Variants in NOL11 observed in about 807,000 individuals in gnomAD.
NOL11 encodes nucleolar protein 11.
NOL11 carries 42 observed loss-of-function variants against 93.0 expected under a neutral mutation model. The ratio of observed to expected loss-of-function variants is 0.45; its 90% CI spans 0.35 to 0.58. The LOEUF is 0.58. Ranked by LOEUF, NOL11 falls within the 20% of genes least tolerant of loss-of-function variation. NOL11 has a pLI of 0.00. For synonymous variants in NOL11, 296 were observed against 293.7 expected (o/e 1.01, Z -0.08); for missense variants, 775 against 841.8 (o/e 0.92, Z 0.98).
At position 67,743,757 on chromosome 17, in the gene NOL11, T is replaced by G; in HGVS notation, c.2058T>G (p.Ser686=). 1.3e-6 allele frequency: 2 copies of G among 1,523,282 alleles called. No homozygotes were observed. Among genetic ancestry groups the G allele is most frequent in the Non-Finnish European group, 1.8e-6 (2 of 1,132,594 alleles). 94.4% of individuals were successfully genotyped at this position (1,523,282 alleles called of 1,614,324 possible). A position where few individuals can be genotyped will look rare whatever the true frequency, so the allele number is the denominator to read the frequency against. ...KLVKSQISVY[S]ELNKIEVSFR... ...CTTTTCTTTAGATATCTGTTTATTC[T>G]GAGCTCAACAAGATTGAAGTAAGTT... The change falls in exon 18 of 18, where the codon TCT becomes TCG. Residue 686 remains serine (S), a synonymous_variant. Coordinates refer to ENST00000253247, the MANE Select transcript of NOL11 (RefSeq NM_015462.5).
chr17:67,726,608 T>C lies in NOL11; in HGVS notation c.813T>C (p.Asp271=), dbSNP rs746413286. The C allele has an allele frequency of 4.7e-5, 76 of 1,613,576 alleles. No homozygotes were observed. Among genetic ancestry groups the C allele is most frequent in the Non-Finnish European group, 6.1e-5 (72 of 1,179,890 alleles). ...TTGCACTCACTGCCCTGGATCAGGA[T>C]CACGTCGCAGTCCTAGGAAGTCCAC... The part of the protein sequence containing the change: ...NGVALTALDQ[D]HVAVLGSPLA... Residue 271 remains aspartate, a synonymous_variant, in exon 7 of 18, where the codon GAT becomes GAC. Transcript: ENST00000253247.
chr17:67,727,145 A>G (rs1025368298), intron 7 of NOL11: 2 of 153,494 alleles, frequency 1.3e-5, no homozygotes, highest in Non-Finnish European at 2.9e-5. Flanking sequence ...GAAGAACACG[A>G]TTGCTCCTTG....
chr17:67,731,067 T>G (rs931678418), intron 7 of NOL11, among the ~76,000 whole-genome samples: 10 of 152,250 alleles, frequency 6.6e-5, no homozygotes, highest in Non-Finnish European at 1.0e-4. Context: ...TTTATATGTC[T>G]TCTTTGGAGA....
intron 8 of NOL11, among the ~76,000 whole-genome samples, chr17:67,735,081 A>G (rs1278091964): frequency 6.6e-6 from 1 of 151,988 alleles, no homozygotes; most frequent in East Asian, 1.9e-4. Context: ...TTAAATGTTA[A>G]ATGTTACCAT....
chr17:67,730,246 G>C (rs1221848750), intron 7 of NOL11, among the ~76,000 whole-genome samples: 1 of 151,708 alleles, frequency 6.6e-6, no homozygotes, highest in South Asian at 2.1e-4. Flanking sequence ...AGTTTTTTTT[G>C]TTGTTTTTTG....
chr17:67,741,448 G>A (rs899554937), intron 16 of NOL11, among the ~76,000 whole-genome samples: 3 of 151,920 alleles, frequency 2.0e-5, no homozygotes, highest in African/African-American at 7.3e-5. Context: ...TCAAACTGCT[G>A]GGCTTAAGTG....
At position 67,721,431 on chromosome 17, in the gene NOL11, G is replaced by A; in HGVS notation, c.366G>A (p.Val122=). 6.2e-7 allele frequency: 1 copy of A among 1,613,560 alleles called. No individual in the cohort carries two copies. The highest frequency in any genetic ancestry group is 8.5e-7 in the Non-Finnish European group (1 of 1,179,586). The change falls in exon 4 of 18, where the codon GTG becomes GTA. Residue 122 remains valine (V), a synonymous_variant. Transcript: ENST00000253247. ...CAGTGCAAGGGACAGAACCCTTGGT[G>A]CTCTTCAAGGAAGGTGCTGTTCGTG... ...ILSVQGTEPL[V]LFKEGAVRGL...
intron 14 of NOL11, chr17:67,738,690 A>G (rs575854984): frequency 9.1e-5 from 40 of 438,762 alleles, no homozygotes; most frequent in East Asian, 2.6e-4. Context: ...AAAAAAAAAA[A>G]AAGAAGAAGC....
chr17:67,734,299 C>G, intron 7 of NOL11, 64 bp from the exon 8 acceptor site: 1 of 899,800 alleles, frequency 1.1e-6, no homozygotes, highest in Non-Finnish European at 1.8e-6. Context: ...TAACTCCCCC[C>G]TTCCCCAAAA....
intron 8 of NOL11, among the ~76,000 whole-genome samples, chr17:67,735,064 T>A (rs930833752): frequency 6.6e-6 from 1 of 152,188 alleles, no homozygotes; most frequent in Admixed American, 6.5e-5. Flanking sequence ...GTCTTTTAGA[T>A]TATGTGTTAA....
chr17:67,729,827 C>T (rs1352957801), intron 7 of NOL11, among the ~76,000 whole-genome samples: 1 of 152,148 alleles, frequency 6.6e-6, no homozygotes, highest in Non-Finnish European at 1.5e-5. Context: ...GATCCGCCCA[C>T]CTCGGCCTCC....
At chr17:67,722,494 A>T (rs2043224702) in intron 4 of NOL11, 86 bp from the exon 5 acceptor site, 1 of 1,484,906 alleles carries the variant, frequency 6.7e-7, no homozygotes, top group Admixed American at 2.9e-5. Context: ...ATATTTAATG[A>T]AAACTTTGAT....
intron 1 of NOL11, 59 bp from the exon 2 acceptor site, chr17:67,719,615 A>C: frequency 1.1e-6 from 1 of 884,532 alleles, no homozygotes; most frequent in South Asian, 1.5e-5. Flanking sequence ...TATAAACTTA[A>C]TTGCTTTTAA....
At chr17:67,725,773 T>A (rs2055085604) in intron 6 of NOL11, among the ~76,000 whole-genome samples, 1 of 151,928 alleles carries the variant, frequency 6.6e-6, no homozygotes, top group African/African-American at 2.4e-5. Flanking sequence ...GTTTTCAGGG[T>A]GATGAGGTAG....
At chr17:67,718,851 CTA>C (rs1287394037) in intron 1 of NOL11, among the ~76,000 whole-genome samples, 2 of 152,186 alleles carry the variant, frequency 1.3e-5, no homozygotes, top group African/African-American at 4.8e-5. Flanking sequence ...TCTGCTAACT[CTA>C]TTGGGTTTCA....
intron 7 of NOL11, among the ~76,000 whole-genome samples, chr17:67,730,062 T>G (rs766971103): frequency 6.6e-6 from 1 of 152,174 alleles, no homozygotes. Flanking sequence ...TTGAGGTTCA[T>G]CTACCTCGTT....
In NOL11 at chr17:67,724,668, T is replaced by G. The variant is rs1293286506; in HGVS notation, c.664+475T>G. Among the ~76,000 whole-genome samples, 3 of 152,216 alleles carry G rather than the reference T, an allele frequency of 2.0e-5. No individual in the cohort carries two copies. In the East Asian group the frequency reaches 5.8e-4, roughly 29 times the overall value. On this transcript the variant is annotated intron_variant, in intron 6 of 17. Coordinates refer to ENST00000253247, the MANE Select transcript of NOL11 (RefSeq NM_015462.5). ...TTTTTGTACTTTGCATGTCTGGCCA[T>G]GCATTAGATCAGTGATCCTGTGTTT...
rs769098075 is a variant in NOL11 at position 67,739,650 on chromosome 17, C to G, written c.1935+42C>G. 2.6e-5 allele frequency: 34 copies of G among 1,311,170 alleles called. 1 individual carries two copies. In the East Asian group the frequency reaches 7.9e-4, roughly 30 times the overall value. 81.2% of individuals were successfully genotyped at this position (1,311,170 alleles called of 1,614,324 possible). A position where few individuals can be genotyped will look rare whatever the true frequency, so the allele number is the denominator to read the frequency against. On this transcript the variant is annotated intron_variant, in intron 16 of 17. Transcript: ENST00000253247. ...ACTTTGATTTGGTGCTGGGAAAAAT[C>G]TGTGAAAAAAAGTTGTATTCAAGGT...
At position 67,736,907 on chromosome 17, in the gene NOL11, T is replaced by C. The variant is rs569930899; in HGVS notation, c.1143+153T>C. ...GCTTGAACCCAGTAACCTCACATTC[T>C]TTATCCAGAAATGCCCCATGTTGTC... On this transcript the variant is annotated intron_variant, in intron 10 of 17. Transcript: ENST00000253247. 341 of 737,856 alleles carry C rather than the reference T, an allele frequency of 4.6e-4. 2 individuals are homozygous for C. In the East Asian group the frequency reaches 7.5e-3, roughly 16 times the overall value. The allele number at this position is 737,856 out of a possible 1,614,324, so 45.7% of individuals were successfully genotyped here. A position where few individuals can be genotyped will look rare whatever the true frequency, so the allele number is the denominator to read the frequency against.
Sources: allele counts gnomAD v4.1 joint callset (sites outside exome capture counted in the v4.1 genomes callset), GRCh38; gene constraint gnomAD v4.1.1; transcripts MANE v1.5; gene names NCBI Gene and HGNC (gene_info 2026-07-23, HGNC 2026-07-21).